MYH9: variants seen among roughly 807,000 people sequenced by gnomAD.
MYH9 encodes myosin-9.
Under a neutral mutation model 241.9 loss-of-function variants are expected in MYH9, and 29 were observed. That is an observed-to-expected ratio of 0.12 (90% confidence interval 0.09 to 0.16). The LOEUF is 0.16. MYH9 is among the 10% of genes least tolerant of loss of function. The pLI is 1.00. For missense variants in MYH9, 1,803 were observed against 2,595.5 expected (o/e 0.69, Z 6.63); for synonymous variants, 1,047 against 1,062.6 (o/e 0.99, Z 0.29).
chr22:36,293,315 C>T lies in MYH9; in HGVS notation c.4095+14G>A, dbSNP rs1308679180. The T allele has an allele frequency of 6.2e-7, 1 of 1,613,530 alleles. No homozygotes were observed. Among genetic ancestry groups the T allele is most frequent in the South Asian group, 1.1e-5 (1 of 91,078 alleles). ...CAGCCTGCAGAGTCCGGCCGGTCCCCCAGGCCTCCAAACCTGGGCATGGAG... is the reference window on the plus strand; with the variant it reads ...CAGCCTGCAGAGTCCGGCCGGTCCCTCAGGCCTCCAAACCTGGGCATGGAG... On this transcript the variant is annotated intron_variant, in intron 30 of 40. Coordinates refer to ENST00000216181, the MANE Select transcript of MYH9 (RefSeq NM_002473.6). This position sits in a 1 kb window ranked among gnomAD's most constrained non-coding sequence, Gnocchi z 5.1.
At chr22:36,374,516 T>C (rs1443585302) in intron 1 of MYH9, among the ~76,000 whole-genome samples, 2 of 152,196 alleles carry the variant, frequency 1.3e-5, no homozygotes, top group East Asian at 1.9e-4. Flanking sequence ...TGAGACTCTG[T>C]TTCAAATAAT....
chr22:36,296,537 AGT>A (rs2016790337), intron 25 of MYH9, among the ~76,000 whole-genome samples: 2 of 139,194 alleles, frequency 1.4e-5, no homozygotes, highest in Non-Finnish European at 3.0e-5. Flanking sequence ...TGCCTGGTCA[AGT>A]CTTTTTTTTT....
chr22:36,285,753 G>T lies in MYH9; in HGVS notation c.5179C>A (p.Leu1727Met), dbSNP rs373380499. The change falls in exon 37 of 41, where the codon CTG becomes ATG. Residue 1727 changes from leucine (L) to methionine (M), a missense_variant. Leu to Met is a conservative substitution (Grantham distance 15). Coordinates refer to ENST00000216181, the MANE Select transcript of MYH9 (RefSeq NM_002473.6). This position sits in a 1 kb window ranked among gnomAD's most constrained non-coding sequence, Gnocchi z 7.0. ...TCCAGCTGGGCGATGCGGGCCTCCAGACGCCGCTTCTCCTCTAACGCCAGG... is the reference window on the plus strand; with the variant it reads ...TCCAGCTGGGCGATGCGGGCCTCCATACGCCGCTTCTCCTCTAACGCCAGG... ...GALALEEKRR[L>M]EARIAQLEEE... The T allele has an allele frequency of 1.2e-6, 2 of 1,611,032 alleles. No homozygotes were observed. The highest frequency in any genetic ancestry group is 2.7e-5 in the African/African-American group (2 of 75,006).
chr22:36,294,443 G>A, intron 27 of MYH9, 145 bp from the exon 28 acceptor site: 2 of 823,132 alleles, frequency 2.4e-6, no homozygotes, highest in South Asian at 1.6e-5. Flanking sequence ...AGACGGCTCG[G>A]GCCTCATCTG....
Position 36,282,384 on chromosome 22 carries a change from A to C in MYH9, c.*284T>G. 2 of 575,636 alleles carry C rather than the reference A, an allele frequency of 3.5e-6. No homozygotes were observed. The highest frequency in any genetic ancestry group is 6.2e-6 in the Non-Finnish European group (2 of 320,240). 35.7% of individuals were successfully genotyped at this position (575,636 alleles called of 1,614,324 possible). The stretch of plus-strand genomic sequence containing the variant: ...TCAACATCTTGTGCTTTTTGGCAAG[A>C]GAGGGCTGAGGAGCCTGCTGGTCGC... On this transcript the variant is annotated 3_prime_UTR_variant, in exon 41 of 41. Coordinates refer to ENST00000216181, the MANE Select transcript of MYH9 (RefSeq NM_002473.6).
intron 2 of MYH9, among the ~76,000 whole-genome samples, chr22:36,343,939 G>A (rs750433212): frequency 3.9e-5 from 6 of 152,216 alleles, no homozygotes; most frequent in African/African-American, 1.4e-4. Context: ...CCAAGGACAC[G>A]TGGTCGCACA....
At chr22:36,289,513 G>A (rs986095979) in intron 31 of MYH9, among the ~76,000 whole-genome samples, 17 of 152,248 alleles carry the variant, frequency 1.1e-4, no homozygotes, top group African/African-American at 3.1e-4. Flanking sequence ...GCACTACTGC[G>A]AACACCATGT....
intron 18 of MYH9, among the ~76,000 whole-genome samples, chr22:36,304,665 G>C (rs577167312): frequency 6.6e-6 from 1 of 152,338 alleles, no homozygotes; most frequent in Non-Finnish European, 1.5e-5. Flanking sequence ...AGGTCACGGA[G>C]CACCAGGCCT....
intron 19 of MYH9, 114 bp from the exon 20 acceptor site, chr22:36,302,790 A>G (rs558558644): frequency 1.2e-6 from 1 of 855,910 alleles, no homozygotes; most frequent in African/African-American, 1.7e-5. Context: ...GGGCACCTCA[A>G]GAAAGAAATT....
chr22:36,325,733 C>T lies in MYH9; in HGVS notation c.612+835G>A, dbSNP rs185051297. On this transcript the variant is annotated intron_variant, in intron 5 of 40. Transcript: ENST00000216181. ...CGCATGGGACATGACAGCTATGGTGCGCTGTGGGGAAATCTGGGCATGACT... is the reference window on the plus strand; with the variant it reads ...CGCATGGGACATGACAGCTATGGTGTGCTGTGGGGAAATCTGGGCATGACT... Among the ~76,000 whole-genome samples the T allele has an allele frequency of 1.3e-3, 205 of 152,292 alleles. 1 individual carries two copies. Among genetic ancestry groups the T allele is most frequent in the African/African-American group, 4.8e-3 (200 of 41,562 alleles).
intron 1 of MYH9, among the ~76,000 whole-genome samples, chr22:36,386,754 G>A (rs755009906): frequency 6.6e-6 from 1 of 152,228 alleles, no homozygotes; most frequent in Non-Finnish European, 1.5e-5. Context: ...GGGGTGCTGA[G>A]TCTCAGTTTG....
At position 36,300,068 on chromosome 22, in the gene MYH9, C is replaced by T; in HGVS notation, c.2976+59G>A. 1 of 1,599,762 alleles carries T rather than the reference C, an allele frequency of 6.3e-7. No individual in the cohort carries two copies. Among genetic ancestry groups the T allele is most frequent in the Non-Finnish European group, 8.5e-7 (1 of 1,177,796 alleles). On this transcript the variant is annotated intron_variant, in intron 23 of 40. Transcript: ENST00000216181. The surrounding 1 kb of genome is among the most constrained non-coding windows in gnomAD (Gnocchi z 5.0). ...GGGAGCCAGGCCCTGCAAGGGTGAC[C>T]ACACTCTCCCATCCACGGCGCCCCT...
At position 36,365,953 on chromosome 22, in the gene MYH9, C is replaced by A. The variant is rs551982144; in HGVS notation, c.-19-16698G>T. On this transcript the variant is annotated intron_variant, in intron 1 of 40. Coordinates refer to ENST00000216181, the MANE Select transcript of MYH9 (RefSeq NM_002473.6). ...CCTATAATCCAGGCGCTTTGGGAGG[C>A]TGAGGCGGACAGATCACCTGAGGTC... is the stretch of plus-strand genomic sequence containing the variant. 1.5e-3 allele frequency among the ~76,000 whole-genome samples: 222 copies of A among 152,222 alleles called. 2 individuals carry two copies. Among genetic ancestry groups the A allele is most frequent in the East Asian group, 5.8e-3 (30 of 5,152 alleles).
chr22:36,346,003 C>T lies in MYH9; in HGVS notation c.333+2901G>A, dbSNP rs920820121. ...CTTTACTAAAAATACAAAAATTAGCCGGGCATGCTGGTGGGCACCTGTAGT... is the reference window on the plus strand; with the variant it reads ...CTTTACTAAAAATACAAAAATTAGCTGGGCATGCTGGTGGGCACCTGTAGT... On this transcript the variant is annotated intron_variant, in intron 2 of 40. Transcript: ENST00000216181. Among the ~76,000 whole-genome samples, 4 of 152,208 alleles carry T rather than the reference C, an allele frequency of 2.6e-5. No individual in the cohort carries two copies. In the East Asian group the frequency reaches 7.7e-4, roughly 29 times the overall value.
intron 30 of MYH9, among the ~76,000 whole-genome samples, chr22:36,292,596 G>A (rs536070575): frequency 6.6e-6 from 1 of 152,150 alleles, no homozygotes; most frequent in Non-Finnish European, 1.5e-5. Flanking sequence ...CCCCATCCTT[G>A]CACTTGGAGA....
In MYH9 at chr22:36,284,390, C is replaced by T; in HGVS notation, c.5592+13G>A. 1 of 1,611,370 alleles carries T rather than the reference C, an allele frequency of 6.2e-7. No homozygotes were observed. Among genetic ancestry groups the T allele is most frequent in the South Asian group, 1.1e-5 (1 of 91,080 alleles). On this transcript the variant is annotated intron_variant, in intron 39 of 40. Transcript: ENST00000216181. The stretch of plus-strand genomic sequence containing the variant: ...CCCCGCTGCCCTTCTCACTGCCCCA[C>T]CAGCGCCCACACCTGGTCCTTGTAC...
intron 5 of MYH9, among the ~76,000 whole-genome samples, 165 bp downstream of exon 5, chr22:36,326,403 C>T (rs1423179903): frequency 6.6e-6 from 1 of 152,236 alleles, no homozygotes; most frequent in African/African-American, 2.4e-5. Context: ...TGGACCACTC[C>T]CAGGACAGGC....
chr22:36,297,235 C>T, intron 24 of MYH9: 1 of 587,496 alleles, frequency 1.7e-6, no homozygotes. Flanking sequence ...CCTTGTCCTT[C>T]CCTGCCAGGA....
chr22:36,382,336 G>A (rs1194908531), intron 1 of MYH9, among the ~76,000 whole-genome samples: 2 of 151,724 alleles, frequency 1.3e-5, no homozygotes, highest in African/African-American at 2.4e-5. Flanking sequence ...TTAGCTGGGC[G>A]TGGTGGCAGG....
Sources: gnomAD v4.1 joint callset for allele counts (sites outside exome capture counted in the v4.1 genomes callset) on GRCh38, gnomAD v4.1.1 for gene constraint, Gnocchi (gnomAD v3.1) non-coding constraint, MANE v1.5 for transcripts, NCBI Gene and HGNC (gene_info 2026-07-23, HGNC 2026-07-21) for gene names.